NSD1: variants seen among roughly 807,000 people sequenced by gnomAD.
The protein encoded by NSD1 is histone-lysine N-methyltransferase, H3 lysine-36 specific.
A neutral mutation model predicts 242.7 loss-of-function variants in NSD1; 26 were observed. That is an observed-to-expected ratio of 0.11 (90% CI 0.08 to 0.15). The LOEUF (loss-of-function observed/expected upper bound fraction) is 0.15, where lower values mean the gene tolerates loss of function less well. NSD1 is among the 10% of genes least tolerant of loss of function. The pLI, the probability that NSD1 is intolerant of heterozygous loss-of-function variation, is 1.00. For synonymous variants in NSD1, 1,106 were observed against 1,178.1 expected, an observed-to-expected ratio of 0.94 and a Z score of 1.25; for missense variants, 2,495 against 3,272.8, an observed-to-expected ratio of 0.76 and a Z score of 5.80.
chr5:177,190,878 A>G (rs1389335950), intron 2 of NSD1, among the ~76,000 whole-genome samples: 1 of 150,510 alleles, frequency 6.6e-6, no homozygotes, highest in Non-Finnish European at 1.5e-5. Context: ...CGTGTTAGCC[A>G]GGATGGTCTC....
intron 21 of NSD1, among the ~76,000 whole-genome samples, chr5:177,289,201 G>A (rs558689728): frequency 6.6e-6 from 1 of 152,028 alleles, no homozygotes; most frequent in African/African-American, 2.4e-5. Flanking sequence ...TGTGCTTGTA[G>A]TCCCAGCTAC....
Position 177,134,152 on chromosome 5 carries a change from A to C in NSD1, c.-18+200A>C, listed in dbSNP as rs1217708156. ...TCCTCCATCACTACCAGCCGGGCTC[A>C]GGCCTAGCTGGCCGGGCTGCCGCGA... On this transcript the variant is annotated intron_variant, in intron 1 of 22. Coordinates refer to ENST00000439151, the MANE Select transcript of NSD1 (RefSeq NM_022455.5). This position sits in a 1 kb window ranked among gnomAD's most constrained non-coding sequence, Gnocchi z 4.2. 6.7e-6 allele frequency: 1 copy of C among 150,168 alleles called. No individual in the cohort carries two copies. Among genetic ancestry groups the C allele is most frequent in the Non-Finnish European group, 1.5e-5 (1 of 67,490 alleles). The allele number at this position is 150,168 out of a possible 1,614,324, so 9.3% of individuals were successfully genotyped here. A position where few individuals can be genotyped will look rare whatever the true frequency, so the allele number is the denominator to read the frequency against.
At chr5:177,242,672 G>A (rs1765972472) in intron 8 of NSD1, among the ~76,000 whole-genome samples, 1 of 151,770 alleles carries the variant, frequency 6.6e-6, no homozygotes, top group African/African-American at 2.4e-5. Context: ...GGATTACAGG[G>A]ATGTGCCACC....
At position 177,135,665 on chromosome 5, in the gene NSD1, C is replaced by T; in HGVS notation, c.562C>T (p.Gln188Ter). The T allele has an allele frequency of 6.2e-7, 1 of 1,614,196 alleles. No homozygotes were observed. Among genetic ancestry groups the T allele is most frequent in the Non-Finnish European group, 8.5e-7 (1 of 1,180,052 alleles). The change falls in exon 2 of 23, where the codon CAG becomes TAG. Residue 188 changes from glutamine (Q) to a stop codon, truncating the protein, a stop_gained. Coordinates refer to ENST00000439151, the MANE Select transcript of NSD1 (RefSeq NM_022455.5). LOFTEE classifies it high-confidence loss of function. ...TATAGAGGAGATCTTTGAGGAAACT[C>T]AGACCAATGCCACCTGCAATTATGA... ...ESIEEIFEET[Q>*]TNATCNYETK... is the part of the protein sequence containing the mutation.
At chr5:177,292,202 C>A in intron 22 of NSD1, 44 bp downstream of exon 22, 1 of 1,592,936 alleles carries the variant, frequency 6.3e-7, no homozygotes, top group Non-Finnish European at 8.6e-7. Flanking sequence ...TTCTCTCCAT[C>A]ATACTCAGGG....
chr5:177,194,038 A>G (rs544700091), intron 3 of NSD1, among the ~76,000 whole-genome samples: 6 of 152,254 alleles, frequency 3.9e-5, no homozygotes, highest in African/African-American at 1.4e-4. Flanking sequence ...TGGCCTCCCA[A>G]AGTGTTTGGA....
chr5:177,211,514 G>A lies in NSD1; in HGVS notation c.3115G>A (p.Val1039Ile), dbSNP rs1427237511. Residue 1039 changes from valine (V) to isoleucine (I), a missense_variant, in exon 5 of 23, where the codon GTA (valine) becomes ATA (isoleucine). Transcript: ENST00000439151. The part of the protein sequence containing the change: ...KLRDAFSAQM[V>I]KNTVNRKALK... ...GCGAGATGCTTTTTCAGCCCAAATGGTAAAGAACACAGTGAACCGTAAAGC... is the reference window on the plus strand; with the variant it reads ...GCGAGATGCTTTTTCAGCCCAAATGATAAAGAACACAGTGAACCGTAAAGC... 2.5e-6 allele frequency: 4 copies of A among 1,614,088 alleles called. No individual in the cohort carries two copies. The highest frequency in any genetic ancestry group is 1.1e-5 in the South Asian group (1 of 91,080).
intron 13 of NSD1, among the ~76,000 whole-genome samples, chr5:177,258,266 C>T (rs1371180317): frequency 6.6e-6 from 1 of 151,852 alleles, no homozygotes; most frequent in East Asian, 1.9e-4. Context: ...AGGTGTGAGC[C>T]ACTGCGCCCG....
Position 177,211,455 on chromosome 5 carries a change from G to A in NSD1, c.3056G>A (p.Arg1019His), listed in dbSNP as rs750354456. The change falls in exon 5 of 23, where the codon CGC (arginine) becomes CAC (histidine). Residue 1019 changes from arginine to histidine, a missense_variant. Coordinates refer to ENST00000439151, the MANE Select transcript of NSD1 (RefSeq NM_022455.5). ...GKSRSDCVTR[R>H]NCGRSKPSSK... is the part of the protein sequence containing the mutation. ...AGTCGTTCAGACTGTGTTACTAGGC[G>A]CAACTGTGGACGATCAAAGCCTTCA... The A allele has an allele frequency of 3.4e-5, 55 of 1,613,992 alleles. No homozygotes were observed. The highest frequency in any genetic ancestry group is 1.0e-4 in the Admixed American group (6 of 59,984).
chr5:177,195,617 G>A (rs866707805), intron 3 of NSD1, among the ~76,000 whole-genome samples: 5 of 152,194 alleles, frequency 3.3e-5, no homozygotes, highest in Middle Eastern at 3.4e-3. Flanking sequence ...ACAGGCATTC[G>A]CCACTATGCC....
chr5:177,219,694 G>A (rs1009648537), intron 5 of NSD1, among the ~76,000 whole-genome samples: 1 of 152,148 alleles, frequency 6.6e-6, no homozygotes, highest in South Asian at 2.1e-4. Context: ...GCTGGGCATG[G>A]CAGCTTACGC....
At chr5:177,132,482 C>A (rs1449347556), upstream of NSD1, among the ~76,000 whole-genome samples, 3 of 151,810 alleles carry the variant, frequency 2.0e-5, no homozygotes, top group Non-Finnish European at 2.9e-5. This position sits in a 1 kb window ranked among gnomAD's most constrained non-coding sequence, Gnocchi z 7.5. Flanking sequence ...GACTAGAGGA[C>A]CCCCTCCCCC....
At chr5:177,181,739 A>T (rs1362261870) in intron 2 of NSD1, among the ~76,000 whole-genome samples, 3 of 150,784 alleles carry the variant, frequency 2.0e-5, no homozygotes, top group South Asian at 2.1e-4. Flanking sequence ...TTGTGGTCTT[A>T]CTTTAAGAAA....
chr5:177,240,748 T>C (rs1271845821), intron 8 of NSD1, among the ~76,000 whole-genome samples: 1 of 151,944 alleles, frequency 6.6e-6, no homozygotes, highest in Non-Finnish European at 1.5e-5. Flanking sequence ...GGCTCAAGCC[T>C]ATAATCCCAG....
chr5:177,164,946 TAAA>T (rs377654174), intron 2 of NSD1, among the ~76,000 whole-genome samples: 3 of 134,438 alleles, frequency 2.2e-5, no homozygotes, highest in Non-Finnish European at 1.6e-5. Flanking sequence ...TCTGTCTCAT[TAAA>T]AAAAAAAAAA....
chr5:177,178,480 C>T (rs1201303541), intron 2 of NSD1, among the ~76,000 whole-genome samples: 1 of 152,166 alleles, frequency 6.6e-6, no homozygotes, highest in Non-Finnish European at 1.5e-5. Context: ...CCTGCCTCGG[C>T]CTGCCAAAGT....
At chr5:177,137,565 TAC>T (rs1307677005) in intron 2 of NSD1, among the ~76,000 whole-genome samples, 1 of 152,192 alleles carries the variant, frequency 6.6e-6, no homozygotes, top group African/African-American at 2.4e-5. Context: ...TGAATTGTCC[TAC>T]ACATTAGGGT....
chr5:177,188,471 A>G (rs181122270), intron 2 of NSD1, among the ~76,000 whole-genome samples: 7 of 152,278 alleles, frequency 4.6e-5, no homozygotes, highest in Non-Finnish European at 4.4e-5. Context: ...AAGAAAGTAA[A>G]TAGGGGTTTG....
At chr5:177,290,570 G>A (rs1382265831) in intron 21 of NSD1, among the ~76,000 whole-genome samples, 1 of 152,010 alleles carries the variant, frequency 6.6e-6, no homozygotes, top group Non-Finnish European at 1.5e-5. Flanking sequence ...ACCACACCTG[G>A]CTAATTTTTT....
Sources: gnomAD v4.1 joint callset for allele counts (sites outside exome capture counted in the v4.1 genomes callset) on GRCh38, gnomAD v4.1.1 for gene constraint, Gnocchi (gnomAD v3.1) non-coding constraint, MANE v1.5 for transcripts, NCBI Gene and HGNC (gene_info 2026-07-23, HGNC 2026-07-21) for gene names.